EBF1: variants seen among roughly 807,000 people sequenced by gnomAD.
EBF1 encodes the protein transcription factor COE1.
Under a neutral mutation model 68.4 loss-of-function variants are expected in EBF1, and 10 were observed. That is an observed-to-expected ratio of 0.15 (90% confidence interval 0.09 to 0.25). The LOEUF (loss-of-function observed/expected upper bound fraction) is 0.25. Among genes scored for constraint, EBF1 ranks in the 10% least tolerant of loss-of-function variants. EBF1 has a pLI of 1.00. For synonymous variants in EBF1, 298 were observed against 299.8 expected, an observed-to-expected ratio of 0.99 and a Z score of 0.06; for missense variants, 509 against 794.4, an observed-to-expected ratio of 0.64 and a Z score of 4.32.
chr5:159,070,947 C>T (rs184835816), intron 6 of EBF1, among the ~76,000 whole-genome samples: 596 of 152,282 alleles, frequency 3.9e-3, no homozygotes, highest in Admixed American at 5.3e-3. Flanking sequence ...AATTCAAACA[C>T]GGTTGCCATC....
chr5:159,011,287 G>A (rs985867940), intron 6 of EBF1, among the ~76,000 whole-genome samples: 1 of 152,236 alleles, frequency 6.6e-6, no homozygotes, highest in Non-Finnish European at 1.5e-5. Flanking sequence ...TCCGCCAGAT[G>A]TGAAGGGTGA....
chr5:158,726,466 C>A (rs1763006879), intron 11 of EBF1, among the ~76,000 whole-genome samples: 6 of 152,124 alleles, frequency 3.9e-5, no homozygotes, highest in Admixed American at 3.9e-4. Context: ...TATCAAGGCT[C>A]AGGGGTATAG....
At chr5:158,707,217 A>T (rs1758045152) in intron 15 of EBF1, among the ~76,000 whole-genome samples, 1 of 152,222 alleles carries the variant, frequency 6.6e-6, no homozygotes. Flanking sequence ...GTCTCAACAT[A>T]TGACACACAA....
At chr5:159,089,707 C>T (rs894953662) in intron 4 of EBF1, among the ~76,000 whole-genome samples, 2 of 151,318 alleles carry the variant, frequency 1.3e-5, no homozygotes, top group Non-Finnish European at 2.9e-5. Flanking sequence ...AAAATATTTT[C>T]ATTAGGAACC....
chr5:158,782,502 A>T (rs939041115), intron 9 of EBF1, among the ~76,000 whole-genome samples: 1 of 151,962 alleles, frequency 6.6e-6, no homozygotes, highest in Non-Finnish European at 1.5e-5. Flanking sequence ...CTACAAAAAA[A>T]AAATTTTAAT....
intron 6 of EBF1, among the ~76,000 whole-genome samples, chr5:158,948,839 C>T (rs1245352537): frequency 2.0e-5 from 3 of 152,216 alleles, no homozygotes; most frequent in Admixed American, 1.3e-4. Context: ...TCAGCCGGAC[C>T]TTCCTCCCCT....
chr5:158,913,111 A>C (rs550340256), intron 6 of EBF1, among the ~76,000 whole-genome samples: 1 of 152,350 alleles, frequency 6.6e-6, no homozygotes, highest in African/African-American at 2.4e-5. Context: ...CTTCTTAAGC[A>C]ATTATCCTGT....
chr5:158,915,418 C>A (rs747463747), intron 6 of EBF1, among the ~76,000 whole-genome samples: 3 of 152,168 alleles, frequency 2.0e-5, no homozygotes, highest in Non-Finnish European at 4.4e-5. Flanking sequence ...AATGCAAAAA[C>A]ATGTGGAAAG....
At chr5:158,972,568 C>G (rs1335529142) in intron 6 of EBF1, among the ~76,000 whole-genome samples, 1 of 152,224 alleles carries the variant, frequency 6.6e-6, no homozygotes, top group Non-Finnish European at 1.5e-5. Flanking sequence ...CTGGAATACC[C>G]AAAGCCTGTT....
At chr5:158,764,904 T>C (rs928728407) in intron 10 of EBF1, among the ~76,000 whole-genome samples, 1 of 152,176 alleles carries the variant, frequency 6.6e-6, no homozygotes, top group African/African-American at 2.4e-5. Flanking sequence ...CACTTCTTTC[T>C]ACACCTCATT....
At chr5:158,741,911 C>T (rs368979764) in intron 10 of EBF1, among the ~76,000 whole-genome samples, 1 of 152,200 alleles carries the variant, frequency 6.6e-6, no homozygotes. Context: ...TATGGATTAA[C>T]CTATCCTTCA....
chr5:158,898,296 T>A (rs1802569916), intron 6 of EBF1, among the ~76,000 whole-genome samples: 2 of 152,162 alleles, frequency 1.3e-5, no homozygotes, highest in Admixed American at 6.5e-5. Context: ...TCCACATCAT[T>A]ACTAATCATT....
chr5:158,955,107 G>A (rs1291547666), intron 6 of EBF1, among the ~76,000 whole-genome samples: 3 of 152,026 alleles, frequency 2.0e-5, no homozygotes, highest in Non-Finnish European at 4.4e-5. Context: ...GGCGGATCAC[G>A]AGGTCAGGAG....
chr5:159,095,892 G>T (rs1490326204), intron 3 of EBF1, among the ~76,000 whole-genome samples: 1 of 152,248 alleles, frequency 6.6e-6, no homozygotes, highest in Non-Finnish European at 1.5e-5. Context: ...TTGCCTTAGC[G>T]CTCCTGGAAG....
At chr5:158,855,006 G>A (rs556334057) in intron 6 of EBF1, among the ~76,000 whole-genome samples, 79 of 152,156 alleles carry the variant, frequency 5.2e-4, no homozygotes, top group African/African-American at 1.8e-3. Context: ...AAGAACCCCA[G>A]GTCACATATA....
intron 6 of EBF1, among the ~76,000 whole-genome samples, chr5:158,995,071 T>C (rs1761134943): frequency 6.6e-6 from 1 of 152,110 alleles, no homozygotes; most frequent in African/African-American, 2.4e-5. Flanking sequence ...GGCATCCACT[T>C]ATATCCTGGT....
chr5:159,074,941 C>T (rs1778470548), intron 5 of EBF1, among the ~76,000 whole-genome samples: 1 of 152,262 alleles, frequency 6.6e-6, no homozygotes, highest in East Asian at 1.9e-4. Context: ...GTAGTTGAAG[C>T]AGTGGAAAGT....
chr5:158,751,342 C>G (rs1257592375), intron 10 of EBF1, among the ~76,000 whole-genome samples: 1 of 151,656 alleles, frequency 6.6e-6, no homozygotes, highest in Non-Finnish European at 1.5e-5. Context: ...TGCGTTTGCC[C>G]CTGGCTCATA....
chr5:158,753,608 C>G (rs1769412528), intron 10 of EBF1, among the ~76,000 whole-genome samples: 1 of 152,082 alleles, frequency 6.6e-6, no homozygotes. Context: ...GATATTTTTT[C>G]TCCTTTCTGC....
Sources: allele counts gnomAD v4.1 joint callset (sites outside exome capture counted in the v4.1 genomes callset), GRCh38; gene constraint gnomAD v4.1.1; transcripts MANE v1.5; gene names NCBI Gene and HGNC (gene_info 2026-07-23, HGNC 2026-07-21).